Variants in PKNOX2 observed in about 807,000 individuals in gnomAD.
The protein encoded by PKNOX2 is PBX/knotted 1 homeobox 2.
Under a neutral mutation model 53.1 loss-of-function variants are expected in PKNOX2, and 14 were observed. The ratio of observed to expected loss-of-function variants is 0.26; its 90% CI spans 0.17 to 0.41. The LOEUF (loss-of-function observed/expected upper bound fraction) is 0.41, where lower values mean the gene tolerates loss of function less well. Among genes scored for constraint, PKNOX2 ranks in the 10% least tolerant of loss-of-function variants. The pLI is 1.00. For synonymous variants in PKNOX2, 257 were observed against 242.8 expected (o/e 1.06, Z -0.54); for missense variants, 496 against 602.8 (o/e 0.82, Z 1.85).
intron 2 of PKNOX2, chr11:125,258,667 G>T: frequency 5.7e-6 from 1 of 175,720 alleles, no homozygotes; most frequent in Non-Finnish European, 1.3e-5. Context: ...TTTATTACTA[G>T]AGGTCTGAAA....
chr11:125,375,805 T>C (rs1033790228), intron 5 of PKNOX2, among the ~76,000 whole-genome samples: 1 of 152,218 alleles, frequency 6.6e-6, no homozygotes, highest in Non-Finnish European at 1.5e-5. Context: ...CGCCTTTCAC[T>C]AGCTGCCTAA....
At chr11:125,243,989 A>G (rs1301698715) in intron 2 of PKNOX2, among the ~76,000 whole-genome samples, 1 of 152,042 alleles carries the variant, frequency 6.6e-6, no homozygotes, top group East Asian at 1.9e-4. Flanking sequence ...ACTGGGCTTC[A>G]CTCATTGCTG....
chr11:125,269,259 C>A (rs1945600339), intron 2 of PKNOX2, among the ~76,000 whole-genome samples: 1 of 152,082 alleles, frequency 6.6e-6, no homozygotes, highest in Non-Finnish European at 1.5e-5. Context: ...CTCTCTCCAC[C>A]TCCCCCTAGG....
chr11:125,416,105 C>T (rs913796904), intron 10 of PKNOX2, among the ~76,000 whole-genome samples: 2 of 151,690 alleles, frequency 1.3e-5, no homozygotes, highest in Non-Finnish European at 2.9e-5. Context: ...AGATCGAGAC[C>T]ATCCCGGCTA....
intron 11 of PKNOX2, 122 bp downstream of exon 11, chr11:125,429,210 C>A: frequency 1.1e-6 from 1 of 921,676 alleles, no homozygotes; most frequent in Non-Finnish European, 1.7e-6. Context: ...GCCCAGCTAC[C>A]ATGCCAGTCC....
At chr11:125,404,022 T>C (rs1591558753) in intron 7 of PKNOX2, among the ~76,000 whole-genome samples, 1 of 151,122 alleles carries the variant, frequency 6.6e-6, no homozygotes, top group Non-Finnish European at 1.5e-5. Flanking sequence ...GCGGAAGGGG[T>C]AGGGGGCCAT....
chr11:125,243,174 G>A (rs1308786820), intron 2 of PKNOX2, among the ~76,000 whole-genome samples: 1 of 152,218 alleles, frequency 6.6e-6, no homozygotes, highest in African/African-American at 2.4e-5. Flanking sequence ...TTGAAAATTA[G>A]GGATTCTGTT....
In PKNOX2 at chr11:125,433,289, C is replaced by G. The variant is rs1956779919; in HGVS notation, c.*1897C>G. On this transcript the variant is annotated 3_prime_UTR_variant, in exon 13 of 13. Coordinates refer to ENST00000298282, the MANE Select transcript of PKNOX2 (RefSeq NM_001382323.2). ...TGCCCACATCTCTTCCTCTCAGCCC[C>G]TCCACCTGCCTAATGTTATGCAACC... The G allele has an allele frequency of 6.5e-6, 1 of 152,850 alleles. No homozygotes were observed. Among genetic ancestry groups the G allele is most frequent in the Non-Finnish European group, 1.5e-5 (1 of 68,144 alleles). 9.5% of individuals were successfully genotyped at this position (152,850 alleles called of 1,614,324 possible).
At chr11:125,366,720 G>T (rs1952209566) in intron 4 of PKNOX2, among the ~76,000 whole-genome samples, 1 of 152,242 alleles carries the variant, frequency 6.6e-6, no homozygotes, top group South Asian at 2.1e-4. Flanking sequence ...AGCAATGCTT[G>T]TATTCACAGA....
chr11:125,401,868 A>G (rs1954778052), intron 7 of PKNOX2, among the ~76,000 whole-genome samples: 1 of 152,148 alleles, frequency 6.6e-6, no homozygotes, highest in Non-Finnish European at 1.5e-5. Flanking sequence ...CCTGAGCACC[A>G]GCCTGGCCTG....
intron 1 of PKNOX2, among the ~76,000 whole-genome samples, chr11:125,221,730 T>G (rs1425829528): frequency 1.3e-5 from 2 of 152,168 alleles, no homozygotes; most frequent in African/African-American, 4.8e-5. Flanking sequence ...TGTATGCAAT[T>G]TGTTTCAGTA....
At chr11:125,185,203 G>A (rs1452130534) in intron 1 of PKNOX2, among the ~76,000 whole-genome samples, 1 of 152,210 alleles carries the variant, frequency 6.6e-6, no homozygotes, top group African/African-American at 2.4e-5. Flanking sequence ...AGCCCAAGTC[G>A]AGGCTGTTGC....
chr11:125,210,983 T>A (rs1939778124), intron 1 of PKNOX2, among the ~76,000 whole-genome samples: 1 of 152,144 alleles, frequency 6.6e-6, no homozygotes, highest in African/African-American at 2.4e-5. Flanking sequence ...ATGTGAATAA[T>A]AATGTTAATC....
chr11:125,378,069 G>A (rs1451525309), intron 5 of PKNOX2, among the ~76,000 whole-genome samples: 1 of 152,244 alleles, frequency 6.6e-6, no homozygotes, highest in Non-Finnish European at 1.5e-5. Flanking sequence ...CCAGGAAGGG[G>A]TTAGGGGTCT....
chr11:125,282,776 G>C (rs1212323451), intron 2 of PKNOX2, among the ~76,000 whole-genome samples: 1 of 152,218 alleles, frequency 6.6e-6, no homozygotes, highest in Non-Finnish European at 1.5e-5. Context: ...GTCTGTGCTG[G>C]CCAATTTGGT....
intron 5 of PKNOX2, among the ~76,000 whole-genome samples, chr11:125,381,928 C>T (rs1953259265): frequency 6.6e-6 from 1 of 152,212 alleles, no homozygotes; most frequent in South Asian, 2.1e-4. Flanking sequence ...TCCCTGACCA[C>T]TCTAAGAAAA....
At chr11:125,225,886 A>G (rs1941641173) in intron 1 of PKNOX2, among the ~76,000 whole-genome samples, 1 of 152,174 alleles carries the variant, frequency 6.6e-6, no homozygotes, top group African/African-American at 2.4e-5. Context: ...TCTCTGAGCT[A>G]GACCCTTCTC....
rs1208617602 is a variant in PKNOX2, at chr11:125,211,495, A to G, written c.-200-23550A>G. Among the ~76,000 whole-genome samples, 6 of 152,126 alleles carry G rather than the reference A, an allele frequency of 3.9e-5. 1 individual carries two copies. The highest frequency in any genetic ancestry group is 8.8e-5 in the Non-Finnish European group (6 of 67,998). ...ATAAACATCTATATAATACAATGTA[A>G]ACTAGTAATAATTGCTTTGAAGGGA... On this transcript the variant is annotated intron_variant, in intron 1 of 12. Coordinates refer to ENST00000298282, the MANE Select transcript of PKNOX2 (RefSeq NM_001382323.2).
At chr11:125,424,784 A>G (rs1028475734) in intron 10 of PKNOX2, among the ~76,000 whole-genome samples, 1 of 152,222 alleles carries the variant, frequency 6.6e-6, no homozygotes, top group African/African-American at 2.4e-5. Context: ...TGGGCTGTGC[A>G]TGAAAGAAAT....
Sources: gnomAD v4.1 joint callset for allele counts (sites outside exome capture counted in the v4.1 genomes callset) on GRCh38, gnomAD v4.1.1 for gene constraint, MANE v1.5 for transcripts, NCBI Gene and HGNC (gene_info 2026-07-23, HGNC 2026-07-21) for gene names.